NPFFR2: variants seen among roughly 807,000 people sequenced by gnomAD.
NPFFR2 encodes the protein G-protein coupled receptor 74.
Under a neutral mutation model 13.1 loss-of-function variants are expected in NPFFR2, and 15 were observed. The observed-to-expected ratio is 1.15, with a 90% CI of 0.77 to 1.76. The LOEUF is 1.76. Ranked by LOEUF, NPFFR2 falls within the 40% of genes most tolerant of loss-of-function variation. The pLI is 0.00. For missense variants in NPFFR2, 572 were observed against 503.5 expected (o/e 1.14, Z -1.30); for synonymous variants, 190 against 175.7 (o/e 1.08, Z -0.65).
chr4:72,089,604 G>A (rs1352779792), intron 1 of NPFFR2, among the ~76,000 whole-genome samples: 1 of 151,966 alleles, frequency 6.6e-6, no homozygotes, highest in African/African-American at 2.4e-5. Flanking sequence ...TCATTTGTTT[G>A]TTGGCCATTT....
At chr4:72,099,492 T>G (rs1021557880) in intron 1 of NPFFR2, among the ~76,000 whole-genome samples, 2 of 152,078 alleles carry the variant, frequency 1.3e-5, no homozygotes, top group Non-Finnish European at 2.9e-5. Flanking sequence ...CTGCTTGGCT[T>G]CCAGGGAGGC....
chr4:72,142,690 A>G (rs1560424922), intron 3 of NPFFR2, among the ~76,000 whole-genome samples: 1 of 152,150 alleles, frequency 6.6e-6, no homozygotes, highest in East Asian at 1.9e-4. Context: ...AAATTTCCCT[A>G]TTTTTCACAC....
chr4:72,068,587 A>T (rs189801790), intron 1 of NPFFR2, among the ~76,000 whole-genome samples: 73 of 152,324 alleles, frequency 4.8e-4, no homozygotes, highest in Non-Finnish European at 7.3e-4. Flanking sequence ...TGCTGTATCT[A>T]TCCTTGTGCC....
At chr4:72,045,459 T>G (rs973397601) in intron 1 of NPFFR2, among the ~76,000 whole-genome samples, 1 of 152,214 alleles carries the variant, frequency 6.6e-6, no homozygotes, top group Non-Finnish European at 1.5e-5. Flanking sequence ...AATCAAATAG[T>G]GTGATACTTT....
chr4:72,147,297 G>A lies in NPFFR2; in HGVS notation c.748G>A (p.Ala250Thr). 3 of 1,614,136 alleles carry A rather than the reference G, an allele frequency of 1.9e-6. No homozygotes were observed. The highest frequency in any genetic ancestry group is 2.5e-6 in the Non-Finnish European group (3 of 1,180,028). The change falls in exon 4 of 4, where the codon GCA becomes ACA. Residue 250 changes from alanine to threonine, a missense_variant. Ala to Thr is a moderately conservative substitution (Grantham distance 58). Coordinates refer to ENST00000308744, the MANE Select transcript of NPFFR2 (RefSeq NM_004885.3). ...GRIGISLFRA[A>T]VPHTGRKNQE... is the part of the protein sequence containing the mutation. ...GATTGGAATTTCACTCTTCAGGGCTGCAGTTCCTCACACAGGCAGGAAGAA... is the reference window on the plus strand; with the variant it reads ...GATTGGAATTTCACTCTTCAGGGCTACAGTTCCTCACACAGGCAGGAAGAA...
chr4:72,078,592 A>T (rs1453309616), intron 1 of NPFFR2, among the ~76,000 whole-genome samples: 1 of 152,162 alleles, frequency 6.6e-6, no homozygotes, highest in Non-Finnish European at 1.5e-5. Flanking sequence ...ACAGGACTAG[A>T]ATAGCTAAAA....
chr4:72,098,160 T>G (rs1257940890), intron 1 of NPFFR2, among the ~76,000 whole-genome samples: 3 of 151,614 alleles, frequency 2.0e-5, no homozygotes, highest in African/African-American at 7.3e-5. Context: ...CTTTAGCAAT[T>G]ATGGAAACAA....
intron 1 of NPFFR2, among the ~76,000 whole-genome samples, chr4:72,046,724 G>A (rs1719392364): frequency 6.6e-6 from 1 of 152,202 alleles, no homozygotes; most frequent in South Asian, 2.1e-4. Flanking sequence ...CTAGATTGCT[G>A]TGAATGTAGC....
chr4:72,138,566 C>T (rs1722495126), intron 3 of NPFFR2, among the ~76,000 whole-genome samples: 1 of 152,128 alleles, frequency 6.6e-6, no homozygotes, highest in Non-Finnish European at 1.5e-5. Context: ...CCAGCTGCAT[C>T]CATGTCCCTG....
intron 1 of NPFFR2, among the ~76,000 whole-genome samples, chr4:72,123,576 G>C (rs1721953341): frequency 6.6e-6 from 1 of 152,146 alleles, no homozygotes; most frequent in Non-Finnish European, 1.5e-5. Context: ...TGATCAAGTT[G>C]ACTTCATCCT....
chr4:72,066,985 G>A (rs4631008), intron 1 of NPFFR2, among the ~76,000 whole-genome samples: 133,113 of 151,970 alleles, frequency 0.88, 59,757 homozygotes, highest in Non-Finnish European at 0.98. Flanking sequence ...CTCTGCAGTG[G>A]CCCCAACCCC....
intron 2 of NPFFR2, among the ~76,000 whole-genome samples, chr4:72,131,742 C>T (rs1045993000): frequency 5.3e-5 from 8 of 152,056 alleles, no homozygotes; most frequent in Non-Finnish European, 1.2e-4. Context: ...TATAAAAAAG[C>T]ATGGAAATGT....
At chr4:72,109,284 A>G (rs989456085) in intron 1 of NPFFR2, among the ~76,000 whole-genome samples, 6 of 151,992 alleles carry the variant, frequency 3.9e-5, no homozygotes, top group Non-Finnish European at 8.8e-5. Context: ...CCAATTGAAG[A>G]ACTCCCATTT....
At chr4:72,059,612 C>A (rs958493122) in intron 1 of NPFFR2, among the ~76,000 whole-genome samples, 1 of 152,050 alleles carries the variant, frequency 6.6e-6, no homozygotes, top group Non-Finnish European at 1.5e-5. Flanking sequence ...GGTTTACTAT[C>A]TTTGGGGAGG....
intron 1 of NPFFR2, among the ~76,000 whole-genome samples, chr4:72,062,787 C>T (rs1430052952): frequency 6.6e-6 from 1 of 152,144 alleles, no homozygotes; most frequent in East Asian, 1.9e-4. Context: ...CCATATGGAG[C>T]AGAGCTGATT....
intron 1 of NPFFR2, among the ~76,000 whole-genome samples, chr4:72,127,687 A>G (rs569860621): frequency 6.6e-5 from 10 of 151,738 alleles, no homozygotes; most frequent in South Asian, 2.1e-4. Flanking sequence ...TACATTGTGT[A>G]AGAACAGAAT....
chr4:72,032,776 C>T (rs1321044632), intron 1 of NPFFR2, among the ~76,000 whole-genome samples: 1 of 152,162 alleles, frequency 6.6e-6, no homozygotes, highest in African/African-American at 2.4e-5. Flanking sequence ...GTCAAACCAT[C>T]AGGCATTTTC....
At chr4:72,108,088 T>G (rs1484042243) in intron 1 of NPFFR2, among the ~76,000 whole-genome samples, 1 of 151,940 alleles carries the variant, frequency 6.6e-6, no homozygotes, top group Admixed American at 6.6e-5. Context: ...AGATGCTCAC[T>G]TCTGGCCCAG....
chr4:72,135,107 T>C (rs1215704542), intron 2 of NPFFR2, among the ~76,000 whole-genome samples: 1 of 152,200 alleles, frequency 6.6e-6, no homozygotes, highest in Non-Finnish European at 1.5e-5. Flanking sequence ...CTATAAAATA[T>C]GGTATTACTG....
Sources: allele counts gnomAD v4.1 joint callset (sites outside exome capture counted in the v4.1 genomes callset), GRCh38; gene constraint gnomAD v4.1.1; transcripts MANE v1.5; gene names NCBI Gene and HGNC (gene_info 2026-07-23, HGNC 2026-07-21).